Variants in GLCCI1 observed in about 807,000 individuals in gnomAD.
GLCCI1 encodes glucocorticoid-induced transcript 1 protein.
A neutral mutation model predicts 52.2 loss-of-function variants in GLCCI1; 24 were observed. The ratio of observed to expected loss-of-function variants is 0.46; its 90% CI spans 0.33 to 0.65. GLCCI1 has a LOEUF of 0.65. GLCCI1 is among the 30% of genes least tolerant of loss of function. The pLI is 0.02. For missense variants in GLCCI1, 704 were observed against 701.5 expected (o/e 1.00, Z -0.04); for synonymous variants, 310 against 276.5 (o/e 1.12, Z -1.20).
intron 4 of GLCCI1, 130 bp downstream of exon 4, chr7:8,055,679 A>G (rs906698349): frequency 5.9e-6 from 4 of 674,208 alleles, no homozygotes; most frequent in African/African-American, 3.7e-5. Context: ...TTAAATTGTT[A>G]TAAAAAGATT....
At chr7:8,006,403 G>A (rs1447082404) in intron 2 of GLCCI1, among the ~76,000 whole-genome samples, 4 of 152,140 alleles carry the variant, frequency 2.6e-5, no homozygotes, top group Non-Finnish European at 5.9e-5. Context: ...AGGAAAGAAC[G>A]CTGGATATGT....
At position 8,070,702 on chromosome 7, in the gene GLCCI1, G is replaced by A. The variant is rs1364063094; in HGVS notation, c.967-219G>A. On this transcript the variant is annotated intron_variant, in intron 5 of 7. Transcript: ENST00000223145. ...CTACAGGTACATACAGTGAGCTATGGAATTTTTAAGGCAAACAATTTGATT... is the reference window on the plus strand; with the variant it reads ...CTACAGGTACATACAGTGAGCTATGAAATTTTTAAGGCAAACAATTTGATT... 11 of 502,210 alleles carry A rather than the reference G, an allele frequency of 2.2e-5. No homozygotes were observed. In the East Asian group the frequency reaches 4.0e-4, roughly 18 times the overall value. 31.1% of individuals were successfully genotyped at this position (502,210 alleles called of 1,614,324 possible).
In GLCCI1 at chr7:8,084,862, A is replaced by C. The variant is rs761262304; in HGVS notation, c.1178-35A>C. On this transcript the variant is annotated intron_variant, in intron 6 of 7. Coordinates refer to ENST00000223145, the MANE Select transcript of GLCCI1 (RefSeq NM_138426.4). ...GGAAATCAAATTTAAAAGAGCTTTC[A>C]ATCACTAGTTAATATAACTGCTTTA... is the stretch of plus-strand genomic sequence containing the variant. 1.9e-6 allele frequency: 3 copies of C among 1,607,756 alleles called. No individual in the cohort carries two copies. In the South Asian group the frequency reaches 3.3e-5, roughly 18 times the overall value.
intron 2 of GLCCI1, among the ~76,000 whole-genome samples, chr7:8,009,378 T>C (rs1243100658): frequency 6.6e-6 from 1 of 152,242 alleles, no homozygotes; most frequent in Non-Finnish European, 1.5e-5. Context: ...GCGAAAGTAA[T>C]ATATATTCTT....
intron 6 of GLCCI1, among the ~76,000 whole-genome samples, chr7:8,079,974 G>GT (rs1782962198): frequency 6.6e-6 from 1 of 151,454 alleles, no homozygotes; most frequent in Non-Finnish European, 1.5e-5. Context: ...TTCTCACAAG[G>GT]TGTTAACTTT....
chr7:7,971,769 A>G (rs1438927799), intron 1 of GLCCI1, among the ~76,000 whole-genome samples: 2 of 152,234 alleles, frequency 1.3e-5, no homozygotes, highest in African/African-American at 2.4e-5. Context: ...AGTGTGGCAC[A>G]TACGAGTTTA....
At chr7:8,054,304 G>A (rs1562443575) in intron 3 of GLCCI1, among the ~76,000 whole-genome samples, 2 of 152,060 alleles carry the variant, frequency 1.3e-5, no homozygotes, top group South Asian at 2.1e-4. Context: ...CAATAGAGAG[G>A]AAGGCACACA....
chr7:8,055,784 TC>T (rs1318038757), intron 4 of GLCCI1: 11 of 302,548 alleles, frequency 3.6e-5, no homozygotes, highest in Admixed American at 9.1e-5. Flanking sequence ...GGTCAGGAGA[TC>T]AAGACCATCC....
chr7:8,010,498 T>A (rs1167243252), intron 2 of GLCCI1, among the ~76,000 whole-genome samples: 3 of 152,224 alleles, frequency 2.0e-5, no homozygotes, highest in African/African-American at 4.8e-5. Flanking sequence ...TCTCAGTTCT[T>A]GCAGGGATGC....
chr7:8,067,116 A>C (rs968556326), intron 5 of GLCCI1, among the ~76,000 whole-genome samples: 1 of 152,178 alleles, frequency 6.6e-6, no homozygotes, highest in African/African-American at 2.4e-5. Context: ...TGTTGCATTG[A>C]ATCCTTTACC....
At chr7:7,996,611 G>C (rs1034905507) in intron 1 of GLCCI1, among the ~76,000 whole-genome samples, 4 of 152,172 alleles carry the variant, frequency 2.6e-5, no homozygotes, top group African/African-American at 9.6e-5. Flanking sequence ...TTTGACATAA[G>C]TTTATTGGGT....
At chr7:8,085,093 G>A in intron 7 of GLCCI1, 76 bp downstream of exon 7, 1 of 1,501,986 alleles carries the variant, frequency 6.7e-7, no homozygotes, top group African/African-American at 1.4e-5. Context: ...GATTACATAT[G>A]AATCAACTAC....
chr7:7,969,354 T>C lies in GLCCI1; in HGVS notation c.4T>C (p.Ser2Pro). 1 of 1,485,430 alleles carries C rather than the reference T, an allele frequency of 6.7e-7. No homozygotes were observed. Among genetic ancestry groups the C allele is most frequent in the Non-Finnish European group, 8.9e-7 (1 of 1,118,788 alleles). The allele number at this position is 1,485,430 out of a possible 1,614,324, so 92.0% of individuals were successfully genotyped here. A position where few individuals can be genotyped will look rare whatever the true frequency, so the allele number is the denominator to read the frequency against. Residue 2 changes from serine (S) to proline (P), a missense_variant, in exon 1 of 8, where the codon TCC becomes CCC. Physicochemically the swap from Ser to Pro is moderately conservative, Grantham distance 74. Around this residue, in one of 3 missense-constraint regions of GLCCI1, gnomAD observed 547 missense variants for 524.8 expected, o/e 1.04. Transcript: ENST00000223145. The surrounding 1 kb of genome is among the most constrained non-coding windows in gnomAD (Gnocchi z 4.9). The stretch of plus-strand genomic sequence containing the variant: ...GTCCAGGGCCCGCAGAGCCACCATG[T>C]CCACTGCCTCCTCCTCCTCCTCCTC... MSTASSSSSSSS... is the reference protein window; with the variant it reads MPTASSSSSSSS...
chr7:8,053,689 T>C (rs1478397167), intron 3 of GLCCI1, among the ~76,000 whole-genome samples: 1 of 152,172 alleles, frequency 6.6e-6, no homozygotes, highest in South Asian at 2.1e-4. Context: ...GTTTCAAGTT[T>C]AAATTAGGCA....
chr7:8,040,850 C>T (rs1231695941), intron 3 of GLCCI1, among the ~76,000 whole-genome samples: 7 of 152,176 alleles, frequency 4.6e-5, no homozygotes, highest in Non-Finnish European at 1.0e-4. Flanking sequence ...TTTGCTTCAT[C>T]AACTATCATT....
At chr7:8,053,491 T>G (rs1782313931) in intron 3 of GLCCI1, among the ~76,000 whole-genome samples, 1 of 150,094 alleles carries the variant, frequency 6.7e-6, no homozygotes, top group South Asian at 2.1e-4. Context: ...TCTGGCTAAT[T>G]TTTGTATTTT....
intron 1 of GLCCI1, among the ~76,000 whole-genome samples, chr7:7,992,705 C>T (rs1019901284): frequency 2.6e-5 from 4 of 152,070 alleles, no homozygotes; most frequent in African/African-American, 9.7e-5. Context: ...GTTACACACA[C>T]ATGTTGGACC....
At chr7:8,019,470 A>T (rs1018315534) in intron 2 of GLCCI1, among the ~76,000 whole-genome samples, 10 of 152,218 alleles carry the variant, frequency 6.6e-5, no homozygotes, top group African/African-American at 2.4e-4. Flanking sequence ...AGTTAATACT[A>T]TGATGACCTT....
chr7:8,078,628 T>A (rs1199924585), intron 6 of GLCCI1: 2 of 152,196 alleles, frequency 1.3e-5, no homozygotes, highest in Non-Finnish European at 2.9e-5. Context: ...GTTTCATGCC[T>A]CTTAACTGGG....
Sources: allele counts gnomAD v4.1 joint callset (sites outside exome capture counted in the v4.1 genomes callset), GRCh38; gene constraint gnomAD v4.1.1; regional missense constraint gnomAD v4.1.1; non-coding constraint Gnocchi (gnomAD v3.1); transcripts MANE v1.5; gene names NCBI Gene and HGNC (gene_info 2026-07-23, HGNC 2026-07-21).